The following TEX9 variants were observed in gnomAD, a reference collection of about 807,000 sequenced individuals.
The protein encoded by TEX9 is testis expressed 9, also known as testis-expressed protein 9.
Under a neutral mutation model 59.6 loss-of-function variants are expected in TEX9, and 74 were observed. That is an observed-to-expected ratio of 1.24 (90% CI 1.03 to 1.51). TEX9 has a LOEUF of 1.51. Ranked by LOEUF, TEX9 falls within the 40% of genes most tolerant of loss-of-function variation. The pLI is 0.00. For synonymous variants in TEX9, 186 were observed against 152.2 expected, an observed-to-expected ratio of 1.22 and a Z score of -1.64; for missense variants, 522 against 447.8, an observed-to-expected ratio of 1.17 and a Z score of -1.49.
At chr15:56,435,005 A>G (rs77878985) in intron 12 of TEX9, among the ~76,000 whole-genome samples, 4,247 of 152,236 alleles carry the variant, frequency 0.028, 198 homozygotes, top group African/African-American at 0.096. Flanking sequence ...GAAAAATTTC[A>G]TACATACTAA....
intron 1 of TEX9, among the ~76,000 whole-genome samples, chr15:56,325,970 A>T (rs1161659608): frequency 1.3e-5 from 2 of 152,142 alleles, no homozygotes; most frequent in East Asian, 3.9e-4. Flanking sequence ...ACGGTCCCCA[A>T]TTATTTAACA....
At chr15:56,275,425 G>A (rs1465135159) in intron 1 of TEX9, among the ~76,000 whole-genome samples, 2 of 152,062 alleles carry the variant, frequency 1.3e-5, no homozygotes, top group Non-Finnish European at 1.5e-5. Flanking sequence ...TCTTTCTAAC[G>A]AACACCTCAT....
At chr15:56,281,290 G>C (rs1178800164) in intron 1 of TEX9, among the ~76,000 whole-genome samples, 1 of 152,160 alleles carries the variant, frequency 6.6e-6, no homozygotes, top group Non-Finnish European at 1.5e-5. Flanking sequence ...TTAAGTCAGG[G>C]GTCCCTAACC....
chr15:56,274,213 T>C (rs1467033745), intron 1 of TEX9, among the ~76,000 whole-genome samples: 1 of 152,232 alleles, frequency 6.6e-6, no homozygotes, highest in African/African-American at 2.4e-5. Context: ...TTGGATAATT[T>C]CTATTGACCT....
At chr15:56,254,389 A>G (rs1188956015) in intron 1 of TEX9, among the ~76,000 whole-genome samples, 2 of 151,886 alleles carry the variant, frequency 1.3e-5, no homozygotes, top group Non-Finnish European at 2.9e-5. Flanking sequence ...GAGCAGCTGG[A>G]CTGCTACTCA....
Position 56,376,329 on chromosome 15 carries a change from A to G in TEX9, c.183+2825A>G, listed in dbSNP as rs76159708. ...ACTTTAGTTTTTTGAGGAACCTCCA[A>G]ACTGTTTCCTTTGTAGTTGTACTAA... On this transcript the variant is annotated intron_variant, in intron 3 of 12. Transcript: ENST00000352903. Among the ~76,000 whole-genome samples the G allele has an allele frequency of 6.8e-4, 104 of 152,238 alleles. 3 individuals carry two copies. In the East Asian group the frequency reaches 0.02, roughly 29 times the overall value.
At chr15:56,276,476 G>C (rs563161229) in intron 1 of TEX9, among the ~76,000 whole-genome samples, 1 of 152,026 alleles carries the variant, frequency 6.6e-6, no homozygotes, top group East Asian at 1.9e-4. Flanking sequence ...ATGGTTTCCA[G>C]CTTCATCCAT....
At chr15:56,375,936 T>C (rs1224411945) in intron 3 of TEX9, among the ~76,000 whole-genome samples, 4 of 151,346 alleles carry the variant, frequency 2.6e-5, no homozygotes, top group African/African-American at 7.3e-5. Context: ...ATGGATGAAA[T>C]TGGAAATCAT....
rs62044148 is a variant in TEX9, at chr15:56,252,862, G to A, written c.-107+8584G>A. On this transcript the variant is annotated intron_variant, in intron 1 of 5. Coordinates refer to the TEX9 transcript ENST00000560827. ...CAGTTTTCCAATTGGTAAAAGTGGG[G>A]ATAATAACTCCTTCACTCAGTTGTA... 2.3e-3 allele frequency among the ~76,000 whole-genome samples: 351 copies of A among 152,200 alleles called. 3 individuals carry two copies. Among genetic ancestry groups the A allele is most frequent in the Non-Finnish European group, 4.0e-3 (272 of 68,006 alleles).
intron 9 of TEX9, among the ~76,000 whole-genome samples, chr15:56,411,675 G>C (rs532271256): frequency 4.6e-5 from 7 of 152,280 alleles, no homozygotes; most frequent in Non-Finnish European, 8.8e-5. Context: ...TTATGGTGGA[G>C]TTAAGAGTTT....
chr15:56,430,332 G>C (rs1158862279), intron 12 of TEX9, among the ~76,000 whole-genome samples, 178 bp downstream of exon 12: 1 of 152,076 alleles, frequency 6.6e-6, no homozygotes, highest in African/African-American at 2.4e-5. Flanking sequence ...TCAGCCTCCA[G>C]AGTATCTGGG....
At chr15:56,358,376 TGGAA>T (rs1352105011) in intron 1 of TEX9, among the ~76,000 whole-genome samples, 8 of 151,274 alleles carry the variant, frequency 5.3e-5, no homozygotes, top group African/African-American at 1.2e-4. Context: ...CGTTGTGCAG[TGGAA>T]GGGTGTCCCA....
chr15:56,449,939 T>C (rs2050936553), downstream of TEX9, among the ~76,000 whole-genome samples: 2 of 152,342 alleles, frequency 1.3e-5, no homozygotes, highest in East Asian at 3.9e-4. Flanking sequence ...GCATTCTCTT[T>C]TACTCTGTCA....
At chr15:56,276,233 A>G (rs1050280421) in intron 1 of TEX9, among the ~76,000 whole-genome samples, 1 of 152,120 alleles carries the variant, frequency 6.6e-6, no homozygotes, top group Non-Finnish European at 1.5e-5. Context: ...ACATAGGTAT[A>G]CATGGGCCAT....
Position 56,401,424 on chromosome 15 carries a change from A to C in TEX9, c.828+6590A>C, listed in dbSNP as rs145250840. The stretch of plus-strand genomic sequence containing the variant: ...CCATTACATAATGGTAAAGGGATCA[A>C]TTCAACAAGAAGAGCTAACTATCCT... On this transcript the variant is annotated intron_variant, in intron 9 of 12. Transcript: ENST00000352903. Among the ~76,000 whole-genome samples the C allele has an allele frequency of 6.1e-3, 935 of 152,224 alleles. 23 individuals are homozygous for C. Among genetic ancestry groups the C allele is most frequent in the East Asian group, 0.06 (309 of 5,172 alleles).
At chr15:56,403,111 C>T (rs1169847200) in intron 9 of TEX9, among the ~76,000 whole-genome samples, 2 of 152,222 alleles carry the variant, frequency 1.3e-5, no homozygotes, top group African/African-American at 4.8e-5. Context: ...TCCAGTTCAA[C>T]ATAGTGTTGG....
At chr15:56,444,382 A>G in intron 12 of TEX9, 4 of 1,421,956 alleles carry the variant, frequency 2.8e-6, no homozygotes, top group Non-Finnish European at 3.8e-6. Flanking sequence ...GTTCCTCACA[A>G]CAAACCTGTG....
intron 10 of TEX9, among the ~76,000 whole-genome samples, chr15:56,426,642 C>CAA (rs2050293657): frequency 6.9e-5 from 4 of 58,226 alleles, no homozygotes; most frequent in African/African-American, 1.6e-4. Flanking sequence ...CACACAAACA[C>CAA]ACACACACAC....
chr15:56,326,280 AT>A (rs34304507), intron 1 of TEX9, among the ~76,000 whole-genome samples: 75,037 of 151,782 alleles, frequency 0.49, 19,997 homozygotes, highest in Non-Finnish European at 0.6. Flanking sequence ...AATGCATTCC[AT>A]TTTTTCTTGC....
Sources: gnomAD v4.1 joint callset for allele counts (sites outside exome capture counted in the v4.1 genomes callset) on GRCh38, gnomAD v4.1.1 for gene constraint, MANE v1.5 for transcripts, NCBI Gene and HGNC (gene_info 2026-07-23, HGNC 2026-07-21) for gene names.